The following CDK12 variants were observed in gnomAD, a reference collection of about 807,000 sequenced individuals.
The protein encoded by CDK12 is cyclin-dependent kinase 12.
In CDK12, 17 loss-of-function variants were observed where a neutral mutation model predicts 133.8. The ratio of observed to expected loss-of-function variants is 0.13; its 90% CI spans 0.09 to 0.19. The LOEUF (loss-of-function observed/expected upper bound fraction) is 0.19, where lower values mean the gene tolerates loss of function less well. CDK12 is among the 10% of genes least tolerant of loss of function. The pLI is 1.00. For synonymous variants in CDK12, 694 were observed against 683.6 expected (o/e 1.02, Z -0.24); for missense variants, 1,508 against 1,818.7 (o/e 0.83, Z 3.11).
intron 12 of CDK12, 88 bp downstream of exon 12, chr17:39,524,973 T>C (rs2054407854): frequency 2.6e-6 from 3 of 1,168,942 alleles, no homozygotes. Context: ...TGTGTGTGTC[T>C]GTTTTTTAGT....
At chr17:39,507,126 A>G (rs557951536) in intron 6 of CDK12, among the ~76,000 whole-genome samples, 2 of 151,588 alleles carry the variant, frequency 1.3e-5, no homozygotes. Flanking sequence ...CAAACTCCTG[A>G]CTTAAGTGGT....
chr17:39,486,084 C>T (rs546729738), intron 2 of CDK12, among the ~76,000 whole-genome samples: 1 of 150,816 alleles, frequency 6.6e-6, no homozygotes, highest in East Asian at 1.9e-4. Flanking sequence ...TCCCAAGTAG[C>T]TGGGATTTTG....
At chr17:39,537,309 G>C (rs2055177314), downstream of CDK12, among the ~76,000 whole-genome samples, 1 of 152,140 alleles carries the variant, frequency 6.6e-6, no homozygotes, top group African/African-American at 2.4e-5. Flanking sequence ...TTTGGACCTG[G>C]AGAAAACAGG....
chr17:39,549,243 C>T (rs1416699639), upstream of CDK12: 1 of 152,264 alleles, frequency 6.6e-6, no homozygotes, highest in African/African-American at 2.4e-5. Context: ...AATGCCTTAC[C>T]TAAAATGCTA....
At chr17:39,509,266 G>A (rs1054260648) in intron 6 of CDK12, among the ~76,000 whole-genome samples, 2 of 152,126 alleles carry the variant, frequency 1.3e-5, no homozygotes, top group African/African-American at 2.4e-5. Context: ...GACTACAGGT[G>A]TGAGCCACCA....
chr17:39,515,039 A>G (rs1173350434), intron 8 of CDK12, among the ~76,000 whole-genome samples: 1 of 152,082 alleles, frequency 6.6e-6, no homozygotes, highest in East Asian at 1.9e-4. Context: ...TAGATTCACT[A>G]GATTCTATTA....
chr17:39,501,463 T>G (rs1448332483), intron 6 of CDK12, 24 bp downstream of exon 6: 8 of 1,541,470 alleles, frequency 5.2e-6, no homozygotes, highest in African/African-American at 1.4e-5. Flanking sequence ...CAAATAAGAT[T>G]AAGCACTTTC....
rs1475174405 is a variant in CDK12 at position 39,526,145 on chromosome 17, C to T, written c.3589C>T (p.Leu1197Phe). 2 of 1,614,178 alleles carry T rather than the reference C, an allele frequency of 1.2e-6. No individual in the cohort carries two copies. The change falls in exon 13 of 14, where the codon CTT (leucine) becomes TTT (phenylalanine). Residue 1197 changes from leucine (L) to phenylalanine (F), a missense_variant. Physicochemically the swap from Leu to Phe is conservative, Grantham distance 22 (BLOSUM62 0). Transcript: ENST00000447079. ...VILPSAEQTT[L>F]EASSTPADMQ... ...CCTGCCTTCAGCAGAACAGACGACC[C>T]TTGAAGCTTCAAGCACACCAGCTGA...
chr17:39,490,345 C>T (rs956943590), intron 2 of CDK12, among the ~76,000 whole-genome samples: 3 of 150,406 alleles, frequency 2.0e-5, no homozygotes, highest in Non-Finnish European at 2.9e-5. Flanking sequence ...CTAGCCTGGG[C>T]GACAGAGTGA....
chr17:39,502,847 A>G (rs2052820251), intron 6 of CDK12, among the ~76,000 whole-genome samples: 1 of 152,192 alleles, frequency 6.6e-6, no homozygotes, highest in Non-Finnish European at 1.5e-5. Context: ...GGAAAACTGT[A>G]AACAGGTCAG....
In CDK12 at chr17:39,510,119, T is replaced by C. The variant is rs1368729975; in HGVS notation, c.2666+358T>C. On this transcript the variant is annotated intron_variant, in intron 7 of 13. Coordinates refer to ENST00000447079, the MANE Select transcript of CDK12 (RefSeq NM_016507.4). Reference sequence around the variant, plus strand: ...ACCTGGGCAACAATCTCTCTCTTTTTTTTTTTTTTTTTTTTTTGAAGACGG... The same window carrying C: ...ACCTGGGCAACAATCTCTCTCTTTTCTTTTTTTTTTTTTTTTTGAAGACGG... Among the ~76,000 whole-genome samples the C allele has an allele frequency of 4.8e-5, 7 of 146,712 alleles. No homozygotes were observed. The East Asian group carries it at 1.2e-3, about 25-fold the overall frequency.
chr17:39,565,401 A>T (rs2056535911), downstream of CDK12, among the ~76,000 whole-genome samples: 1 of 145,262 alleles, frequency 6.9e-6, no homozygotes, highest in Non-Finnish European at 1.5e-5. Context: ...GGCGTGAGCC[A>T]CCGCACCCAG....
intron 2 of CDK12, among the ~76,000 whole-genome samples, chr17:39,476,064 AT>A (rs200621398): frequency 2.2e-3 from 315 of 143,976 alleles, no homozygotes; most frequent in Middle Eastern, 3.6e-3. Flanking sequence ...AAGAATCTTG[AT>A]TTTTTTTTTT....
At chr17:39,545,563 A>G (rs2055648304), upstream of CDK12, among the ~76,000 whole-genome samples, 1 of 138,326 alleles carries the variant, frequency 7.2e-6, no homozygotes, top group South Asian at 2.3e-4. Context: ...AAATGGCGTG[A>G]TCTCAGCTCA....
Position 39,494,666 on chromosome 17 carries a change from A to G in CDK12, c.2391A>G (p.Gln797=), listed in dbSNP as rs376501711. The change falls in exon 5 of 14, where the codon CAA becomes CAG. Residue 797 remains glutamine (Q), a synonymous_variant. Transcript: ENST00000447079. ...VNMKEIVTDK[Q]DALDFKKDKG... ...TGAAGGAAATTGTCACAGATAAACA[A>G]GATGCACTGGATTTCAAGAAGGACA... The G allele has an allele frequency of 1.1e-4, 170 of 1,584,120 alleles. No individual in the cohort carries two copies. The highest frequency in any genetic ancestry group is 1.2e-4 in the Non-Finnish European group (144 of 1,164,684).
At chr17:39,472,087 G>A (rs529335740) in intron 2 of CDK12, among the ~76,000 whole-genome samples, 76 of 152,082 alleles carry the variant, frequency 5.0e-4, no homozygotes, top group Admixed American at 1.5e-3. Flanking sequence ...AGGTTCAAGC[G>A]ATTCTCCCAC....
chr17:39,512,698 T>C (rs1182545939), intron 8 of CDK12, among the ~76,000 whole-genome samples: 2 of 152,366 alleles, frequency 1.3e-5, no homozygotes, highest in South Asian at 4.1e-4. Context: ...TATCATTTCT[T>C]ATTGGAATAC....
At chr17:39,509,257 A>G (rs1305679165) in intron 6 of CDK12, among the ~76,000 whole-genome samples, 2 of 152,054 alleles carry the variant, frequency 1.3e-5, no homozygotes, top group African/African-American at 4.8e-5. Context: ...AAATTCTGGG[A>G]CTACAGGTGT....
chr17:39,477,381 G>T (rs529965176), intron 2 of CDK12, among the ~76,000 whole-genome samples: 1 of 151,310 alleles, frequency 6.6e-6, no homozygotes, highest in East Asian at 1.9e-4. Context: ...GACTACAGGC[G>T]CATGCCACCA....
Sources: gnomAD v4.1 joint callset for allele counts (sites outside exome capture counted in the v4.1 genomes callset) on GRCh38, gnomAD v4.1.1 for gene constraint, MANE v1.5 for transcripts, NCBI Gene and HGNC (gene_info 2026-07-23, HGNC 2026-07-21) for gene names.